EBF2: variants seen among roughly 807,000 people sequenced by gnomAD.
The protein encoded by EBF2 is transcription factor COE2.
EBF2 carries 21 observed loss-of-function variants against 72.8 expected under a neutral mutation model. The observed-to-expected ratio is 0.29, with a 90% CI of 0.20 to 0.42. EBF2 has a LOEUF of 0.42. EBF2 is among the 10% of genes least tolerant of loss of function. EBF2 has a pLI of 1.00. For missense variants in EBF2, 637 were observed against 731.2 expected (o/e 0.87, Z 1.49); for synonymous variants, 299 against 274.2 (o/e 1.09, Z -0.89).
At chr8:25,979,814 A>G (rs756148632) in intron 6 of EBF2, among the ~76,000 whole-genome samples, 5 of 152,120 alleles carry the variant, frequency 3.3e-5, no homozygotes, top group Non-Finnish European at 5.9e-5. Context: ...AAATCCCAGT[A>G]CAGATAAAGG....
At chr8:25,888,601 C>T (rs1460034131) in intron 8 of EBF2, among the ~76,000 whole-genome samples, 2 of 152,122 alleles carry the variant, frequency 1.3e-5, no homozygotes, top group African/African-American at 4.8e-5. Context: ...AAAGCAAAAT[C>T]TATCATAGTT....
intron 1 of EBF2, 43 bp from the exon 2 acceptor site, chr8:26,042,294 C>G: frequency 6.3e-7 from 1 of 1,577,354 alleles, no homozygotes; most frequent in Non-Finnish European, 8.6e-7. Context: ...CACGGGGAAG[C>G]ACAAAAAGGC....
intron 6 of EBF2, among the ~76,000 whole-genome samples, chr8:25,933,080 GT>G (rs1481276428): frequency 9.9e-5 from 15 of 152,144 alleles, no homozygotes; most frequent in Non-Finnish European, 2.2e-4. Flanking sequence ...GAGTTGTTTT[GT>G]TTTCTCCCCC....
chr8:25,955,035 C>G (rs775874625), intron 6 of EBF2, among the ~76,000 whole-genome samples: 6 of 152,218 alleles, frequency 3.9e-5, no homozygotes, highest in Non-Finnish European at 8.8e-5. Context: ...GCTGCACGCT[C>G]TGGGAGGATC....
intron 15 of EBF2, among the ~76,000 whole-genome samples, chr8:25,847,312 T>A (rs1327776659): frequency 6.6e-6 from 1 of 152,110 alleles, no homozygotes; most frequent in African/African-American, 2.4e-5. Flanking sequence ...CCACTGTGTA[T>A]CTCTAAAAAG....
chr8:25,978,504 A>G (rs1036932431), intron 6 of EBF2, among the ~76,000 whole-genome samples: 6 of 152,212 alleles, frequency 3.9e-5, no homozygotes, highest in African/African-American at 1.4e-4. Flanking sequence ...TGGTTATCCC[A>G]TGATGGCGAT....
chr8:26,041,907 G>T lies in EBF2; in HGVS notation c.288+188C>A, dbSNP rs576738370. Among the ~76,000 whole-genome samples, 3 of 152,326 alleles carry T rather than the reference G, an allele frequency of 2.0e-5. No homozygotes were observed. The South Asian group carries it at 6.2e-4, about 32-fold the overall frequency. ...GCCGGGAGCGCTCCTCCAGCTCCAGGTTGGGGGAGTCGGGGTGGGAGGAGG... is the reference window on the plus strand; with the variant it reads ...GCCGGGAGCGCTCCTCCAGCTCCAGTTTGGGGGAGTCGGGGTGGGAGGAGG... On this transcript the variant is annotated intron_variant, in intron 2 of 15. Transcript: ENST00000520164.
chr8:25,886,950 C>T, intron 9 of EBF2, 69 bp from the exon 10 acceptor site: 1 of 1,531,658 alleles, frequency 6.5e-7, no homozygotes, highest in East Asian at 2.3e-5. Flanking sequence ...ATAAGGTGTA[C>T]AACATCTCCC....
chr8:25,918,085 T>A (rs1479688224), intron 6 of EBF2, among the ~76,000 whole-genome samples: 1 of 152,208 alleles, frequency 6.6e-6, no homozygotes, highest in African/African-American at 2.4e-5. Flanking sequence ...GCTGGAGCAT[T>A]ACTTTCCCTG....
Position 26,040,724 on chromosome 8 carries a change from C to T in EBF2, c.353-53G>A, listed in dbSNP as rs1585238310. 6.5e-6 allele frequency: 10 copies of T among 1,542,538 alleles called. No individual in the cohort carries two copies. In the East Asian group the frequency reaches 2.2e-4, roughly 34 times the overall value. ...AGGGCCGTAGAGCCCCTTCCGGGCA[C>T]CCCAAACCCTTCTCTGCCATGGGTC... On this transcript the variant is annotated intron_variant, in intron 3 of 15. Coordinates refer to ENST00000520164, the MANE Select transcript of EBF2 (RefSeq NM_022659.4).
At chr8:25,866,639 T>A (rs201860065) in intron 10 of EBF2, among the ~76,000 whole-genome samples, 7,592 of 128,694 alleles carry the variant, frequency 0.059, 333 homozygotes, top group African/African-American at 0.14. Flanking sequence ...ATATATATTT[T>A]TTTTTTTTTT....
chr8:25,849,807 C>T (rs1039325795), intron 15 of EBF2, among the ~76,000 whole-genome samples: 4 of 152,162 alleles, frequency 2.6e-5, no homozygotes, highest in Non-Finnish European at 5.9e-5. Context: ...CTCCACAACC[C>T]CCTAATCAGG....
chr8:26,002,841 GGCAGGCA>G (rs1804755102), intron 6 of EBF2, among the ~76,000 whole-genome samples: 6 of 118,516 alleles, frequency 5.1e-5, no homozygotes, highest in African/African-American at 1.4e-4. Context: ...CAGGCAGGCA[GGCAGGCA>G]GGCAGGCGGG....
intron 1 of EBF2, among the ~76,000 whole-genome samples, 168 bp from the exon 2 acceptor site, chr8:26,042,419 T>C (rs1004524359): frequency 6.6e-6 from 1 of 152,122 alleles, no homozygotes; most frequent in Non-Finnish European, 1.5e-5. Context: ...GGAGACTCCT[T>C]AAAGGAGTCA....
intron 6 of EBF2, among the ~76,000 whole-genome samples, chr8:25,940,182 C>T (rs1254229540): frequency 1.3e-5 from 2 of 152,178 alleles, no homozygotes; most frequent in African/African-American, 2.4e-5. Flanking sequence ...CGGGCAGCCC[C>T]TACATTCTAC....
At chr8:25,866,318 G>T (rs1228841313) in intron 10 of EBF2, among the ~76,000 whole-genome samples, 1 of 150,964 alleles carries the variant, frequency 6.6e-6, no homozygotes, top group African/African-American at 2.4e-5. Flanking sequence ...TTGGCTATTT[G>T]AGATAGATAT....
chr8:25,942,298 G>A (rs979748323), intron 6 of EBF2, among the ~76,000 whole-genome samples: 19 of 152,334 alleles, frequency 1.2e-4, no homozygotes, highest in South Asian at 1.0e-3. Flanking sequence ...TCTATCAGAT[G>A]TACATAATGC....
intron 2 of EBF2, 116 bp from the exon 3 acceptor site, chr8:26,041,118 G>C: frequency 1.7e-6 from 2 of 1,188,142 alleles, no homozygotes; most frequent in South Asian, 2.7e-5. Flanking sequence ...GCAGCTTTGA[G>C]TAACCCCCTG....
chr8:25,930,363 G>T lies in EBF2; in HGVS notation c.552-21808C>A, dbSNP rs1585199017. Reference sequence around the variant, plus strand: ...TTCATAGCTGTGTGACTTTAGGGAAGTCACTGAACCTCTCTGAGCCTCACT... The same window carrying T: ...TTCATAGCTGTGTGACTTTAGGGAATTCACTGAACCTCTCTGAGCCTCACT... On this transcript the variant is annotated intron_variant, in intron 6 of 15. Transcript: ENST00000520164. Among the ~76,000 whole-genome samples the T allele has an allele frequency of 3.3e-5, 5 of 152,306 alleles. No individual in the cohort carries two copies. In the South Asian group the frequency reaches 1.0e-3, roughly 32 times the overall value.
Sources: gnomAD v4.1 joint callset for allele counts (sites outside exome capture counted in the v4.1 genomes callset) on GRCh38, gnomAD v4.1.1 for gene constraint, MANE v1.5 for transcripts, NCBI Gene and HGNC (gene_info 2026-07-23, HGNC 2026-07-21) for gene names.